Variants in LRP1B observed in about 807,000 individuals in gnomAD.
The protein encoded by LRP1B is low-density lipoprotein receptor-related protein 1B.
LRP1B carries 217 observed loss-of-function variants against 556.6 expected under a neutral mutation model. The observed-to-expected ratio is 0.39, with a 90% CI of 0.35 to 0.44. The LOEUF is 0.44. Among genes scored for constraint, LRP1B ranks in the 20% least tolerant of loss-of-function variants. LRP1B has a pLI of 1.00. For missense variants in LRP1B, 5,053 were observed against 5,620.8 expected (o/e 0.90, Z 3.23); for synonymous variants, 2,047 against 1,865.8 (o/e 1.10, Z -2.50).
chr2:141,689,966 C>T (rs1021092915), intron 2 of LRP1B, among the ~76,000 whole-genome samples: 3 of 151,752 alleles, frequency 2.0e-5, no homozygotes, highest in African/African-American at 7.2e-5. Context: ...GCATTATCTA[C>T]TCTTGTAAAT....
At chr2:140,749,839 C>A (rs1242249529) in intron 35 of LRP1B, among the ~76,000 whole-genome samples, 4 of 152,134 alleles carry the variant, frequency 2.6e-5, no homozygotes, top group Admixed American at 1.3e-4. Flanking sequence ...GTATTATATA[C>A]TGTACATAAT....
intron 1 of LRP1B, among the ~76,000 whole-genome samples, chr2:141,861,448 A>G (rs763717244): frequency 2.0e-5 from 3 of 152,168 alleles, no homozygotes; most frequent in African/African-American, 2.4e-5. Flanking sequence ...AGGCCAAGCA[A>G]CCAAGACTAG....
chr2:141,229,655 T>G (rs1335293205), intron 5 of LRP1B, among the ~76,000 whole-genome samples: 2 of 152,216 alleles, frequency 1.3e-5, no homozygotes. Flanking sequence ...ATTCCTTATT[T>G]CCTTAGTCAT....
chr2:141,790,143 C>CA (rs1000351278), intron 2 of LRP1B, among the ~76,000 whole-genome samples: 48 of 151,974 alleles, frequency 3.2e-4, no homozygotes, highest in African/African-American at 1.1e-3. Flanking sequence ...GTTATTGATG[C>CA]ATAGTTTGTC....
chr2:141,068,713 T>C (rs1222394934), intron 7 of LRP1B, among the ~76,000 whole-genome samples: 1 of 151,972 alleles, frequency 6.6e-6, no homozygotes, highest in African/African-American at 2.4e-5. Context: ...GGCTGCTCAT[T>C]GTTAGAAAAG....
chr2:142,002,373 A>G (rs1432461094), intron 1 of LRP1B, among the ~76,000 whole-genome samples: 1 of 152,000 alleles, frequency 6.6e-6, no homozygotes, highest in Non-Finnish European at 1.5e-5. Flanking sequence ...TGTCACAGAC[A>G]AAATATGTTA....
rs372048185 is a variant in LRP1B at position 141,319,433 on chromosome 2, AT to A, written c.344-64793del. 3.5e-4 allele frequency among the ~76,000 whole-genome samples: 53 copies of A among 151,016 alleles called. 1 individual carries two copies. The highest frequency in any genetic ancestry group is 2.3e-3 in the South Asian group (11 of 4,788). Reference sequence around the variant, plus strand: ...CTGAATAAGCTGATATTTTGAGACAATTTTTTTTAAGCATTAACATATAGTA... The same window carrying A: ...CTGAATAAGCTGATATTTTGAGACAATTTTTTTAAGCATTAACATATAGTA... On this transcript the variant is annotated intron_variant, in intron 3 of 90. Transcript: ENST00000389484.
chr2:141,910,872 T>C (rs1256005448), intron 1 of LRP1B, among the ~76,000 whole-genome samples: 1 of 152,068 alleles, frequency 6.6e-6, no homozygotes, highest in Non-Finnish European at 1.5e-5. Context: ...ATATATGAAA[T>C]GTAGAAAAGT....
chr2:141,417,505 C>A (rs1023961842), intron 3 of LRP1B, among the ~76,000 whole-genome samples: 4 of 152,170 alleles, frequency 2.6e-5, no homozygotes, highest in Non-Finnish European at 5.9e-5. Flanking sequence ...ACTGGCTTAA[C>A]ATTCTTTCAC....
At chr2:141,963,167 T>G (rs984467816) in intron 1 of LRP1B, among the ~76,000 whole-genome samples, 2 of 151,906 alleles carry the variant, frequency 1.3e-5, no homozygotes, top group Admixed American at 1.3e-4. Context: ...ATTAGACATG[T>G]AAAATATAAT....
intron 27 of LRP1B, among the ~76,000 whole-genome samples, chr2:140,860,951 G>T (rs529041337): frequency 2.7e-4 from 41 of 152,078 alleles, no homozygotes; most frequent in African/African-American, 9.4e-4. Context: ...GCGGCAATGT[G>T]TAAAACGAAG....
At chr2:140,318,427 C>T (rs917811671) in intron 82 of LRP1B, among the ~76,000 whole-genome samples, 14 of 152,034 alleles carry the variant, frequency 9.2e-5, no homozygotes, top group Non-Finnish European at 2.9e-5. Context: ...AGTTTTAGAT[C>T]GTGGATAAGT....
At chr2:140,899,336 G>A (rs1694037459) in intron 23 of LRP1B, among the ~76,000 whole-genome samples, 1 of 152,152 alleles carries the variant, frequency 6.6e-6, no homozygotes, top group Non-Finnish European at 1.5e-5. Context: ...TTCTCCATTT[G>A]AGTCATGGGT....
At chr2:141,516,392 T>C (rs1350755626) in intron 2 of LRP1B, among the ~76,000 whole-genome samples, 5 of 152,224 alleles carry the variant, frequency 3.3e-5, no homozygotes, top group African/African-American at 1.2e-4. Flanking sequence ...ATTGATATTC[T>C]AAATACTAAT....
At chr2:141,676,258 C>A (rs1013839934) in intron 2 of LRP1B, among the ~76,000 whole-genome samples, 1 of 151,896 alleles carries the variant, frequency 6.6e-6, no homozygotes, top group Non-Finnish European at 1.5e-5. Context: ...ATCCCCAGTG[C>A]CAAGCAGTGA....
At chr2:141,216,231 C>T (rs1682806720) in intron 6 of LRP1B, among the ~76,000 whole-genome samples, 1 of 152,200 alleles carries the variant, frequency 6.6e-6, no homozygotes, top group Non-Finnish European at 1.5e-5. Context: ...CACTTTCGTC[C>T]AGATACACCT....
chr2:140,338,900 A>C (rs1681235555), intron 77 of LRP1B, among the ~76,000 whole-genome samples: 1 of 151,772 alleles, frequency 6.6e-6, no homozygotes, highest in African/African-American at 2.4e-5. Flanking sequence ...CTCACTAGAC[A>C]GGCACACCCA....
intron 2 of LRP1B, among the ~76,000 whole-genome samples, chr2:141,640,341 CTG>C (rs1689284888): frequency 3.3e-5 from 5 of 152,320 alleles, no homozygotes; most frequent in African/African-American, 1.2e-4. Flanking sequence ...AGCTAATACC[CTG>C]ATGGGTAAAA....
intron 3 of LRP1B, among the ~76,000 whole-genome samples, chr2:141,464,598 A>ATTTT (rs199589153): frequency 0.03 from 2,199 of 73,240 alleles, 66 homozygotes; most frequent in Non-Finnish European, 0.04. Flanking sequence ...ATATATATAT[A>ATTTT]TATATATATT....
Sources: allele counts gnomAD v4.1 joint callset (sites outside exome capture counted in the v4.1 genomes callset), GRCh38; gene constraint gnomAD v4.1.1; transcripts MANE v1.5; gene names NCBI Gene and HGNC (gene_info 2026-07-23, HGNC 2026-07-21).